MED27: variants seen among roughly 807,000 people sequenced by gnomAD.
MED27 encodes mediator of RNA polymerase II transcription subunit 27.
In MED27, 30 loss-of-function variants were observed where a neutral mutation model predicts 38.2. The ratio of observed to expected loss-of-function variants is 0.79; its 90% CI spans 0.59 to 1.07. The LOEUF (loss-of-function observed/expected upper bound fraction) is 1.07. MED27 is among the 50% of genes least tolerant of loss of function. The pLI is 0.00. For synonymous variants in MED27, 122 were observed against 153.5 expected (o/e 0.79, Z 1.52); for missense variants, 289 against 397.5 (o/e 0.73, Z 2.32).
At chr9:132,004,119 G>A (rs1347624173) in intron 3 of MED27, among the ~76,000 whole-genome samples, 2 of 152,170 alleles carry the variant, frequency 1.3e-5, no homozygotes, top group Non-Finnish European at 2.9e-5. Context: ...CAGCAGGGGA[G>A]CGAATCAGTT....
rs1289340202 is a variant in MED27, at chr9:132,054,259, G to A, written c.348+23183C>T. Among the ~76,000 whole-genome samples, 4 of 152,178 alleles carry A rather than the reference G, an allele frequency of 2.6e-5. No homozygotes were observed. In the East Asian group the frequency reaches 7.7e-4, roughly 29 times the overall value. The stretch of plus-strand genomic sequence containing the variant: ...GTCTCCTTTAAAAGTGTGCGGCACC[G>A]CCCCGCTCCTCTCAGTGCTCCTGCT... On this transcript the variant is annotated intron_variant, in intron 2 of 7. Coordinates refer to ENST00000292035, the MANE Select transcript of MED27 (RefSeq NM_004269.4).
intron 3 of MED27, among the ~76,000 whole-genome samples, chr9:132,009,963 T>G (rs1373474659): frequency 6.6e-6 from 1 of 152,238 alleles, no homozygotes; most frequent in Non-Finnish European, 1.5e-5. Context: ...ATTCTGGATA[T>G]TAGCCCTTTG....
chr9:131,952,100 G>A (rs1376907103), intron 3 of MED27, among the ~76,000 whole-genome samples: 1 of 152,218 alleles, frequency 6.6e-6, no homozygotes, highest in Non-Finnish European at 1.5e-5. Flanking sequence ...TGTGCCCCAG[G>A]AGGCTGGCCT....
At chr9:132,008,762 G>C (rs1303863066) in intron 3 of MED27, among the ~76,000 whole-genome samples, 1 of 152,212 alleles carries the variant, frequency 6.6e-6, no homozygotes. Flanking sequence ...CCATCCAACT[G>C]CTAACACAAG....
At chr9:132,074,454 A>G (rs1323740624) in intron 2 of MED27, among the ~76,000 whole-genome samples, 3 of 152,220 alleles carry the variant, frequency 2.0e-5, no homozygotes, top group African/African-American at 4.8e-5. Flanking sequence ...ATGTCCTTCA[A>G]TTCTTAGCCA....
chr9:131,963,620 C>T (rs1004463716), intron 3 of MED27, among the ~76,000 whole-genome samples: 1 of 152,128 alleles, frequency 6.6e-6, no homozygotes. Context: ...TCTTCGAATG[C>T]CTACGCTTAA....
In MED27 at chr9:131,861,293, A is replaced by G. The variant is rs1178645084; in HGVS notation, c.802-621T>C. 6.6e-6 allele frequency among the ~76,000 whole-genome samples: 1 copy of G among 152,176 alleles called. No homozygotes were observed. Among genetic ancestry groups the G allele is most frequent in the African/African-American group, 2.4e-5 (1 of 41,434 alleles). ...TGCAGAGCTTTCTTGGGCGTCATAC[A>G]TAAGGATGAGCCTCCCGTAACTCAA... On this transcript the variant is annotated intron_variant, in intron 7 of 7. Coordinates refer to ENST00000292035, the MANE Select transcript of MED27 (RefSeq NM_004269.4). The surrounding 1 kb of genome is among the most constrained non-coding windows in gnomAD (Gnocchi z 4.4).
intron 2 of MED27, among the ~76,000 whole-genome samples, chr9:132,075,893 C>T (rs969763409): frequency 2.0e-5 from 3 of 152,190 alleles, no homozygotes; most frequent in African/African-American, 7.2e-5. Flanking sequence ...CCATCCCTTC[C>T]GGGAACTCCC....
At chr9:132,033,208 TGGTATTG>T (rs1430315497) in intron 2 of MED27, among the ~76,000 whole-genome samples, 1 of 152,216 alleles carries the variant, frequency 6.6e-6, no homozygotes, top group Non-Finnish European at 1.5e-5. Flanking sequence ...TTTTCTGACC[TGGTATTG>T]TCTGTAAAGG....
intron 3 of MED27, among the ~76,000 whole-genome samples, chr9:131,950,294 C>T (rs1269663370): frequency 6.6e-6 from 1 of 152,206 alleles, no homozygotes; most frequent in Non-Finnish European, 1.5e-5. Context: ...TGAGATGCAA[C>T]AATTCACATG....
intron 3 of MED27, among the ~76,000 whole-genome samples, chr9:131,990,449 G>A (rs983556609): frequency 6.6e-6 from 1 of 152,216 alleles, no homozygotes; most frequent in Non-Finnish European, 1.5e-5. Context: ...AACTATCACT[G>A]CCATGAGGGC....
chr9:131,905,497 G>A (rs1830037010), intron 4 of MED27, among the ~76,000 whole-genome samples: 1 of 152,126 alleles, frequency 6.6e-6, no homozygotes, highest in Non-Finnish European at 1.5e-5. Flanking sequence ...CAGTGGCCTG[G>A]TAGAGAAGGC....
chr9:131,890,203 T>C (rs1839205899), intron 5 of MED27, among the ~76,000 whole-genome samples: 1 of 152,226 alleles, frequency 6.6e-6, no homozygotes, highest in South Asian at 2.1e-4. Flanking sequence ...TAGGATGAGA[T>C]TCTGAGTGGA....
rs61624043 is a variant in MED27, at chr9:131,881,800, CTTTTTTTTTTTT to C, written c.723+2246_723+2257del. On this transcript the variant is annotated intron_variant, in intron 6 of 7. Transcript: ENST00000292035. ...CCTCCCTCCCTTCCTTCTTCTTCTTCTTTTTTTTTTTTTTTTTTTTTTTTGATGTAGTCTTGC... is the reference window on the plus strand; with the variant it reads ...CCTCCCTCCCTTCCTTCTTCTTCTTCTTTTTTTTTTTTGATGTAGTCTTGC... 1.8e-3 allele frequency among the ~76,000 whole-genome samples: 109 copies of C among 60,976 alleles called. 1 individual carries two copies. The highest frequency in any genetic ancestry group is 2.7e-3 in the East Asian group (5 of 1,870). The allele number at this position is 60,976 out of a possible 152,430, so 40.0% of individuals were successfully genotyped here.
intron 2 of MED27, among the ~76,000 whole-genome samples, chr9:132,049,652 A>G (rs1208633292): frequency 6.6e-6 from 1 of 152,188 alleles, no homozygotes; most frequent in Non-Finnish European, 1.5e-5. Flanking sequence ...AGAGCATCAT[A>G]GAGAACTTGG....
chr9:131,901,715 T>C (rs1009836931), intron 4 of MED27, among the ~76,000 whole-genome samples: 4 of 152,196 alleles, frequency 2.6e-5, no homozygotes, highest in African/African-American at 9.6e-5. Flanking sequence ...ATACGGTCTG[T>C]AAAAGCTCAT....
intron 4 of MED27, among the ~76,000 whole-genome samples, chr9:131,920,311 A>T (rs529956635): frequency 2.8e-4 from 42 of 152,312 alleles, no homozygotes; most frequent in Non-Finnish European, 4.4e-4. Context: ...CCAGGATTGC[A>T]CAGTCTGTAT....
intron 3 of MED27, among the ~76,000 whole-genome samples, chr9:131,947,756 G>C (rs938102048): frequency 6.6e-6 from 1 of 151,662 alleles, no homozygotes; most frequent in African/African-American, 2.4e-5. Flanking sequence ...TTAGCAGCTC[G>C]AGCCGGATTT....
chr9:131,970,560 A>G (rs1372581298), intron 3 of MED27, among the ~76,000 whole-genome samples: 1 of 152,268 alleles, frequency 6.6e-6, no homozygotes, highest in Non-Finnish European at 1.5e-5. Flanking sequence ...AACTGTAACC[A>G]ATTATTTCAA....
Sources: allele counts gnomAD v4.1 joint callset (sites outside exome capture counted in the v4.1 genomes callset), GRCh38; gene constraint gnomAD v4.1.1; non-coding constraint Gnocchi (gnomAD v3.1); transcripts MANE v1.5; gene names NCBI Gene and HGNC (gene_info 2026-07-23, HGNC 2026-07-21).